The following BAP1 variants were observed in gnomAD, a reference collection of about 807,000 sequenced individuals.
The protein encoded by BAP1 is ubiquitin carboxyl-terminal hydrolase BAP1.
Under a neutral mutation model 77.2 loss-of-function variants are expected in BAP1, and 16 were observed. The observed-to-expected ratio is 0.21, with a 90% CI of 0.14 to 0.31. The LOEUF is 0.31. Among genes scored for constraint, BAP1 ranks in the 10% least tolerant of loss-of-function variants. BAP1 has a pLI of 1.00. For synonymous variants in BAP1, 362 were observed against 385.2 expected, an observed-to-expected ratio of 0.94 and a Z score of 0.71; for missense variants, 699 against 967.3, an observed-to-expected ratio of 0.72 and a Z score of 3.68.
Position 52,409,827 on chromosome 3 carries a change from C to CGGTCCCCTCCT in BAP1, c.37+4_37+14dup. On this transcript the variant is annotated intron_variant, in intron 1 of 16. Transcript: ENST00000460680. Reference sequence around the variant, plus strand: ...CGGCCTCCCCAGCCCCTGGCCCTCCCGGTCCCCTCCTCACCTGGGTCGCTC... The same window carrying CGGTCCCCTCCT: ...CGGCCTCCCCAGCCCCTGGCCCTCCCGGTCCCCTCCTGGTCCCCTCCTCACCTGGGTCGCTC... 1.9e-6 allele frequency: 3 copies of CGGTCCCCTCCT among 1,612,612 alleles called. No homozygotes were observed. Among genetic ancestry groups the CGGTCCCCTCCT allele is most frequent in the Non-Finnish European group, 2.5e-6 (3 of 1,179,922 alleles).
At chr3:52,409,638 A>T (rs1416879063) in intron 2 of BAP1, 30 bp from the exon 3 acceptor site, 7 of 1,614,084 alleles carry the variant, frequency 4.3e-6, no homozygotes, top group Non-Finnish European at 5.9e-6. Flanking sequence ...GCAGTAGGGA[A>T]GGACAGCCCC....
intron 10 of BAP1, 174 bp downstream of exon 10, chr3:52,405,591 G>A (rs549129855): frequency 2.7e-5 from 26 of 961,590 alleles, no homozygotes; most frequent in Admixed American, 1.5e-4. Flanking sequence ...TGGTAACAGC[G>A]GCCCTTTACA....
rs1705167919 is a variant in BAP1, at chr3:52,406,619, A to G, written c.659+210T>C. 4 of 855,232 alleles carry G rather than the reference A, an allele frequency of 4.7e-6. No homozygotes were observed. Among genetic ancestry groups the G allele is most frequent in the Middle Eastern group, 3.3e-4 (1 of 3,038 alleles). 53.0% of individuals were successfully genotyped at this position (855,232 alleles called of 1,614,324 possible). ...ACCTGGGCTGCCTAAGGCTCCACTGAGGCCTGCCCCTCCCCCAGCCCACCC... is the reference window on the plus strand; with the variant it reads ...ACCTGGGCTGCCTAAGGCTCCACTGGGGCCTGCCCCTCCCCCAGCCCACCC... On this transcript the variant is annotated intron_variant, in intron 8 of 16. Transcript: ENST00000460680. This position sits in a 1 kb window ranked among gnomAD's most constrained non-coding sequence, Gnocchi z 4.6.
Position 52,408,168 on chromosome 3 carries a change from C to CA in BAP1, c.256-92dup. The CA allele has an allele frequency of 5.8e-6, 9 of 1,542,702 alleles. No individual in the cohort carries two copies. The South Asian group carries it at 9.6e-5, about 16-fold the overall frequency. Reference sequence around the variant, plus strand: ...TCAAGAATGGGGATCCAGAGCAGGTCAGTCATATCTGGACAACTCCCCTTC... The same window carrying CA: ...TCAAGAATGGGGATCCAGAGCAGGTCAAGTCATATCTGGACAACTCCCCTTC... On this transcript the variant is annotated intron_variant, in intron 4 of 16. Coordinates refer to ENST00000460680, the MANE Select transcript of BAP1 (RefSeq NM_004656.4).
chr3:52,401,431 GC>G lies in BAP1; in HGVS notation c.*856del, dbSNP rs1208335423. The G allele has an allele frequency of 4.3e-6, 1 of 233,588 alleles. No homozygotes were observed. The highest frequency in any genetic ancestry group is 2.2e-5 in the African/African-American group (1 of 45,340). 14.5% of individuals were successfully genotyped at this position (233,588 alleles called of 1,614,324 possible). The stretch of plus-strand genomic sequence containing the variant: ...GAGGGAGACATGGTAATACTGAGGG[GC>G]TGGACAGAGGCTCTTCTGAGCCTCA... On this transcript the variant is annotated 3_prime_UTR_variant, in exon 17 of 17. Coordinates refer to ENST00000460680, the MANE Select transcript of BAP1 (RefSeq NM_004656.4).
At chr3:52,407,002 A>T in intron 7 of BAP1, 95 bp from the exon 8 acceptor site, 1 of 1,493,184 alleles carries the variant, frequency 6.7e-7, no homozygotes. Flanking sequence ...CAGTTGAGCC[A>T]GGGAATCAGG....
Position 52,407,411 on chromosome 3 carries a change from T to C in BAP1, c.425A>G (p.Asn142Ser). The change falls in exon 6 of 17, where the codon AAT (asparagine) becomes AGT (serine). Residue 142 changes from asparagine to serine, a missense_variant. Transcript: ENST00000460680. ...AGCTCCCACACACCTGGCATGGCTA[T>C]TATGGGCCTTGGCCAACTCCGGGGC... ...GNAPELAKAH[N>S]SHARPEPRHL... The C allele has an allele frequency of 6.2e-7, 1 of 1,614,200 alleles. No individual in the cohort carries two copies. The highest frequency in any genetic ancestry group is 1.3e-5 in the African/African-American group (1 of 75,056).
chr3:52,402,263 G>A lies in BAP1; in HGVS notation c.*25C>T, dbSNP rs1188581738. 4 of 1,598,254 alleles carry A rather than the reference G, an allele frequency of 2.5e-6. No homozygotes were observed. The highest frequency in any genetic ancestry group is 2.6e-6 in the Non-Finnish European group (3 of 1,174,420). ...GGTGAGGGCCACACGGCAAGAGTGGGCTGCAGAGTCAGGGCCAGCAGTCCT... is the reference window on the plus strand; with the variant it reads ...GGTGAGGGCCACACGGCAAGAGTGGACTGCAGAGTCAGGGCCAGCAGTCCT... On this transcript the variant is annotated 3_prime_UTR_variant, in exon 17 of 17. Transcript: ENST00000460680. This position sits in a 1 kb window ranked among gnomAD's most constrained non-coding sequence, Gnocchi z 5.3.
Position 52,409,952 on chromosome 3 carries a change from A to G in BAP1, c.-74T>C. 1 of 1,549,646 alleles carries G rather than the reference A, an allele frequency of 6.5e-7. No homozygotes were observed. Among genetic ancestry groups the G allele is most frequent in the Non-Finnish European group, 8.7e-7 (1 of 1,153,882 alleles). ...ACCGCTGCCCCCACCGGGAGCCCCC[A>G]CCGCCCCCGGGGCCCCTCAGTCCCA... On this transcript the variant is annotated 5_prime_UTR_variant, in exon 1 of 17. Coordinates refer to ENST00000460680, the MANE Select transcript of BAP1 (RefSeq NM_004656.4).
In BAP1 at chr3:52,403,256, C is replaced by A. The variant is rs576624522; in HGVS notation, c.1772G>T (p.Gly591Val). 1 of 1,614,142 alleles carries A rather than the reference C, an allele frequency of 6.2e-7. No homozygotes were observed. Among genetic ancestry groups the A allele is most frequent in the African/African-American group, 1.3e-5 (1 of 75,052 alleles). The change falls in exon 14 of 17, where the codon GGC becomes GTC. Residue 591 changes from glycine (G) to valine (V), a missense_variant. This residue lies in a region of BAP1 where 475 missense variants were observed against 532.4 expected (regional missense o/e 0.89). Coordinates refer to ENST00000460680, the MANE Select transcript of BAP1 (RefSeq NM_004656.4). This position sits in a 1 kb window ranked among gnomAD's most constrained non-coding sequence, Gnocchi z 4.0. ...GSSPSIRPIQ[G>V]SQGSSSPVEK... Reference sequence around the variant, plus strand: ...CACTGGGCTGCTGGACCCCTGGCTGCCTTGGATTGGTCTGATGGAGGGCGA... The same window carrying A: ...CACTGGGCTGCTGGACCCCTGGCTGACTTGGATTGGTCTGATGGAGGGCGA...
intron 11 of BAP1, 21 bp downstream of exon 11, chr3:52,405,089 G>C (rs775502802): frequency 3.1e-6 from 5 of 1,613,666 alleles, no homozygotes; most frequent in Non-Finnish European, 4.2e-6. Context: ...AGAGAATCCT[G>C]CAAGGGTGCT....
In BAP1 at chr3:52,406,635, C is replaced by G; in HGVS notation, c.659+194G>C. ...GCTCCACTGAGGCCTGCCCCTCCCC[C>G]AGCCCACCCAGGAGCAGGCCACAGG... On this transcript the variant is annotated intron_variant, in intron 8 of 16. Transcript: ENST00000460680. The surrounding 1 kb of genome is among the most constrained non-coding windows in gnomAD (Gnocchi z 4.6). 1.1e-6 allele frequency: 1 copy of G among 874,408 alleles called. No individual in the cohort carries two copies. Among genetic ancestry groups the G allele is most frequent in the East Asian group, 2.6e-5 (1 of 37,782 alleles). The allele number at this position is 874,408 out of a possible 1,614,324, so 54.2% of individuals were successfully genotyped here.
chr3:52,409,333 G>A (rs187490820), intron 3 of BAP1, among the ~76,000 whole-genome samples: 5 of 152,366 alleles, frequency 3.3e-5, no homozygotes, highest in Admixed American at 2.0e-4. Context: ...GCTTAGGGGT[G>A]GGGAGGGGGC....
chr3:52,405,512 A>AC, intron 10 of BAP1: 1 of 625,394 alleles, frequency 1.6e-6, no homozygotes, highest in Non-Finnish European at 2.6e-6. Flanking sequence ...AAAAAAAAAA[A>AC]AAAAAAAAAC....
At chr3:52,405,995 G>A (rs747884207) in intron 9 of BAP1, 83 bp from the exon 10 acceptor site, 11 of 1,590,052 alleles carry the variant, frequency 6.9e-6, no homozygotes, top group African/African-American at 1.3e-5. Context: ...GGACCTAAAG[G>A]AATAATGGCC....
intron 6 of BAP1, 35 bp downstream of exon 6, chr3:52,407,363 TC>T: frequency 6.2e-7 from 1 of 1,614,052 alleles, no homozygotes. Context: ...CTCCCCCTAC[TC>T]CCACCCCACA....
rs1371575223 is a variant in BAP1, at chr3:52,403,103, C to T, written c.1890+35G>A. ...GAGGAGCTCAGGCCTTACCCTCTGC[C>T]AGGATTAAAGGAGAAAACCACAACG... On this transcript the variant is annotated intron_variant, in intron 14 of 16. Transcript: ENST00000460680. This position sits in a 1 kb window ranked among gnomAD's most constrained non-coding sequence, Gnocchi z 4.0. 1.2e-6 allele frequency: 2 copies of T among 1,609,312 alleles called. No individual in the cohort carries two copies. Among genetic ancestry groups the T allele is most frequent in the Non-Finnish European group, 1.7e-6 (2 of 1,179,858 alleles).
intron 3 of BAP1, 113 bp downstream of exon 3, chr3:52,409,441 T>G: frequency 1.7e-3 from 2,254 of 1,351,922 alleles, no homozygotes; most frequent in Non-Finnish European, 2.2e-3. Context: ...CTGCTTTCTG[T>G]GAGATTTTAC....
rs368116024 is a variant in BAP1, at chr3:52,409,280, G to T, written c.122+274C>A. Among the ~76,000 whole-genome samples, 55 of 152,348 alleles carry T rather than the reference G, an allele frequency of 3.6e-4. No homozygotes were observed. The East Asian group carries it at 5.6e-3, about 15-fold the overall frequency. On this transcript the variant is annotated intron_variant, in intron 3 of 16. Coordinates refer to ENST00000460680, the MANE Select transcript of BAP1 (RefSeq NM_004656.4). Reference sequence around the variant, plus strand: ...GCACAAAAGACATTGTGTGACCGGGGTCTTCCCGCTGCAAGGCCAGGAAAG... The same window carrying T: ...GCACAAAAGACATTGTGTGACCGGGTTCTTCCCGCTGCAAGGCCAGGAAAG...
Sources: gnomAD v4.1 joint callset for allele counts (sites outside exome capture counted in the v4.1 genomes callset) on GRCh38, gnomAD v4.1.1 for gene constraint, gnomAD v4.1.1 regional missense constraint, Gnocchi (gnomAD v3.1) non-coding constraint, MANE v1.5 for transcripts, NCBI Gene and HGNC (gene_info 2026-07-23, HGNC 2026-07-21) for gene names.